Variants in RPA3 observed in about 807,000 individuals in gnomAD.
RPA3 encodes the protein replication protein A3.
RPA3 carries 24 observed loss-of-function variants against 13.7 expected under a neutral mutation model. The ratio of observed to expected loss-of-function variants is 1.75; its 90% confidence interval spans 1.27 to 2.46. The LOEUF (loss-of-function observed/expected upper bound fraction) is 2.46. Ranked by LOEUF, RPA3 falls within the 30% of genes most tolerant of loss-of-function variation. The pLI is 0.00. For missense variants in RPA3, 183 were observed against 151.0 expected, an observed-to-expected ratio of 1.21 and a Z score of -1.11; for synonymous variants, 59 against 51.2, an observed-to-expected ratio of 1.15 and a Z score of -0.65.
chr7:7,670,878 T>C (rs1377947280), intron 4 of RPA3, among the ~76,000 whole-genome samples: 1 of 152,196 alleles, frequency 6.6e-6, no homozygotes, highest in Non-Finnish European at 1.5e-5. Context: ...GACCCCTATC[T>C]TGGGCCCAAG....
chr7:7,642,503 A>G (rs1196556461), intron 4 of RPA3, among the ~76,000 whole-genome samples: 1 of 151,696 alleles, frequency 6.6e-6, no homozygotes, highest in Non-Finnish European at 1.5e-5. Flanking sequence ...TCCTGTGAGT[A>G]CCAGATGTTA....
At chr7:7,661,869 C>G (rs2115091437) in intron 4 of RPA3, among the ~76,000 whole-genome samples, 1 of 152,292 alleles carries the variant, frequency 6.6e-6, no homozygotes, top group East Asian at 1.9e-4. Context: ...TCAGAGCTGG[C>G]AGGCAGGGAC....
chr7:7,688,484 T>C (rs1200573683), intron 2 of RPA3, among the ~76,000 whole-genome samples: 5 of 152,198 alleles, frequency 3.3e-5, no homozygotes, highest in Non-Finnish European at 5.9e-5. Flanking sequence ...TGCCTTGCCC[T>C]CAGCCCCGTG....
chr7:7,667,021 C>A (rs951857595), intron 4 of RPA3, among the ~76,000 whole-genome samples: 1 of 152,076 alleles, frequency 6.6e-6, no homozygotes, highest in Non-Finnish European at 1.5e-5. Context: ...TTGGCTAGGC[C>A]AGGTCTCTAA....
chr7:7,717,411 C>G (rs937894329), intron 1 of RPA3, among the ~76,000 whole-genome samples: 14 of 152,166 alleles, frequency 9.2e-5, no homozygotes, highest in Non-Finnish European at 1.2e-4. Context: ...CTTGTGTGTC[C>G]TCGTCCTTCA....
chr7:7,644,142 G>T (rs1785040933), intron 4 of RPA3, among the ~76,000 whole-genome samples: 1 of 152,026 alleles, frequency 6.6e-6, no homozygotes, highest in African/African-American at 2.4e-5. Context: ...GATATGAAGT[G>T]TTTTTTTGTC....
chr7:7,676,159 C>T (rs1779732664), intron 4 of RPA3: 2 of 398,610 alleles, frequency 5.0e-6, no homozygotes, highest in East Asian at 7.1e-5. Flanking sequence ...CTGGGTCAGA[C>T]CCTTTGGGTT....
chr7:7,639,142 A>C lies in RPA3; in HGVS notation c.102T>G (p.Ile34Met), dbSNP rs1446981581. The stretch of plus-strand genomic sequence containing the variant: ...GAATAAACATTTTTCCGGTGGGATG[A>C]ATCTAAAAACGAAACATATAATTAA... Reference protein sequence around the residue: ...PVCFVGRLEKIHPTGKMFILS... With the variant: ...PVCFVGRLEKMHPTGKMFILS... The change falls in exon 6 of 8, where the codon ATT becomes ATG. Residue 34 changes from isoleucine to methionine, a missense_variant and splice_region_variant. Coordinates refer to ENST00000223129, the MANE Select transcript of RPA3 (RefSeq NM_002947.5). 1.2e-6 allele frequency: 2 copies of C among 1,608,822 alleles called. No homozygotes were observed. The highest frequency in any genetic ancestry group is 2.7e-5 in the African/African-American group (2 of 74,750).
At chr7:7,651,327 CT>C (rs1785219093) in intron 4 of RPA3, among the ~76,000 whole-genome samples, 2 of 152,156 alleles carry the variant, frequency 1.3e-5, no homozygotes, top group African/African-American at 4.8e-5. Context: ...CTTGGCTTGT[CT>C]TTTGGCTGGG....
At chr7:7,688,355 G>C (rs1780087852) in intron 2 of RPA3, among the ~76,000 whole-genome samples, 1 of 152,150 alleles carries the variant, frequency 6.6e-6, no homozygotes, top group East Asian at 1.9e-4. Flanking sequence ...TCAGAAAGTA[G>C]AATGTGAGAA....
At chr7:7,675,058 T>G (rs1779704772) in intron 4 of RPA3, among the ~76,000 whole-genome samples, 1 of 152,142 alleles carries the variant, frequency 6.6e-6, no homozygotes, top group Admixed American at 6.5e-5. Flanking sequence ...AGAGATGGGG[T>G]CTTGCCATGT....
intron 2 of RPA3, among the ~76,000 whole-genome samples, chr7:7,698,885 T>G (rs1161764210): frequency 6.6e-6 from 1 of 151,626 alleles, no homozygotes; most frequent in Non-Finnish European, 1.5e-5. Context: ...TTTTTTTTTT[T>G]TTTGAGACAG....
intron 3 of RPA3, among the ~76,000 whole-genome samples, chr7:7,686,392 C>A (rs1780041990): frequency 6.6e-6 from 1 of 152,034 alleles, no homozygotes; most frequent in Non-Finnish European, 1.5e-5. Flanking sequence ...CATTTTAAAG[C>A]AGTAAAGTTA....
chr7:7,668,757 A>C lies in RPA3; in HGVS notation c.-758+17073T>G, dbSNP rs540572146. Among the ~76,000 whole-genome samples, 5 of 152,340 alleles carry C rather than the reference A, an allele frequency of 3.3e-5. No homozygotes were observed. The South Asian group carries it at 8.3e-4, about 25-fold the overall frequency. ...ATGAATGTTAGTGATACATACATTTAAGAAATATTAATAAAACAAGTAAGA... is the reference window on the plus strand; with the variant it reads ...ATGAATGTTAGTGATACATACATTTCAGAAATATTAATAAAACAAGTAAGA... On this transcript the variant is annotated intron_variant, in intron 4 of 7. Transcript: ENST00000223129.
At chr7:7,713,861 C>G (rs949659181) in intron 2 of RPA3, among the ~76,000 whole-genome samples, 10 of 152,124 alleles carry the variant, frequency 6.6e-5, no homozygotes, top group African/African-American at 2.4e-4. Context: ...GGCAGGGTCT[C>G]ACTCTGTCAC....
intron 4 of RPA3, among the ~76,000 whole-genome samples, chr7:7,644,223 T>A (rs1212127664): frequency 6.6e-6 from 1 of 152,190 alleles, no homozygotes; most frequent in Non-Finnish European, 1.5e-5. Context: ...TGGTTATTTA[T>A]GTTTATCTTT....
chr7:7,705,427 G>A (rs1430866192), intron 2 of RPA3, among the ~76,000 whole-genome samples: 1 of 152,170 alleles, frequency 6.6e-6, no homozygotes, highest in East Asian at 1.9e-4. Flanking sequence ...TAACTATGTA[G>A]GTTTAAGTTA....
chr7:7,641,551 G>GACT (rs1195165316), intron 4 of RPA3: 2 of 152,224 alleles, frequency 1.3e-5, no homozygotes, highest in African/African-American at 4.8e-5. Context: ...CACACTGCGA[G>GACT]ACTCTGGAGG....
intron 4 of RPA3, among the ~76,000 whole-genome samples, chr7:7,682,444 T>G (rs1779935447): frequency 6.6e-6 from 1 of 152,178 alleles, no homozygotes; most frequent in South Asian, 2.1e-4. Flanking sequence ...TATTTTTATA[T>G]GGAACTTTTA....
Sources: gnomAD v4.1 joint callset for allele counts (sites outside exome capture counted in the v4.1 genomes callset) on GRCh38, gnomAD v4.1.1 for gene constraint, MANE v1.5 for transcripts, NCBI Gene and HGNC (gene_info 2026-07-23, HGNC 2026-07-21) for gene names.